Variants in LRBA observed in about 807,000 individuals in gnomAD.
The protein encoded by LRBA is lipopolysaccharide-responsive and beige-like anchor protein.
A neutral mutation model predicts 330.0 loss-of-function variants in LRBA; 176 were observed. The ratio of observed to expected loss-of-function variants is 0.53; its 90% CI spans 0.47 to 0.60. The LOEUF is 0.60. Among genes scored for constraint, LRBA ranks in the 20% least tolerant of loss-of-function variants. The pLI, the probability that LRBA is intolerant of heterozygous loss-of-function variation, is 0.00. For missense variants in LRBA, 3,259 were observed against 3,444.8 expected (o/e 0.95, Z 1.35); for synonymous variants, 1,230 against 1,193.0 (o/e 1.03, Z -0.64).
chr4:150,687,361 A>C (rs1435043192), intron 36 of LRBA, among the ~76,000 whole-genome samples: 2 of 152,074 alleles, frequency 1.3e-5, no homozygotes, highest in Non-Finnish European at 2.9e-5. Context: ...GGTACAAGAG[A>C]CCTTAACAAA....
At chr4:151,008,992 T>A (rs375339669) in intron 2 of LRBA, among the ~76,000 whole-genome samples, 11,616 of 18,126 alleles carry the variant, frequency 0.64, 3,148 homozygotes, top group Non-Finnish European at 0.71. Context: ...AAAAAAAATA[T>A]ATATATATAT....
At chr4:150,812,310 C>T (rs904852285) in intron 31 of LRBA, among the ~76,000 whole-genome samples, 2 of 152,322 alleles carry the variant, frequency 1.3e-5, no homozygotes, top group South Asian at 4.1e-4. Context: ...CACTGATAAA[C>T]TGGCTCCTTC....
intron 47 of LRBA, among the ~76,000 whole-genome samples, chr4:150,353,097 G>C (rs745585949): frequency 7.2e-5 from 11 of 152,166 alleles, no homozygotes; most frequent in Non-Finnish European, 1.6e-4. Context: ...TTTGGTGGCT[G>C]TTCGAAATCT....
intron 2 of LRBA, among the ~76,000 whole-genome samples, chr4:150,993,860 T>C (rs1742360578): frequency 6.6e-6 from 1 of 151,890 alleles, no homozygotes; most frequent in African/African-American, 2.4e-5. Context: ...AAGATGAGAT[T>C]TGGGTGGGGA....
rs1385789175 is a variant in LRBA at position 151,011,588 on chromosome 4, ACT to A, written c.216+2837_216+2838del. On this transcript the variant is annotated intron_variant, in intron 2 of 56. Coordinates refer to ENST00000651943, the MANE Select transcript of LRBA (RefSeq NM_001364905.1). ...ACTCCAGCCTGGGCAACAGACTGAG[ACT>A]CTATCTCAAAAAAAAAAAAAAAAAA... 7.2e-5 allele frequency among the ~76,000 whole-genome samples: 10 copies of A among 139,382 alleles called. No individual in the cohort carries two copies. The Admixed American group carries it at 7.7e-4, about 11-fold the overall frequency. The allele number at this position is 139,382 out of a possible 152,430, so 91.4% of individuals were successfully genotyped here. A position where few individuals can be genotyped will look rare whatever the true frequency, so the allele number is the denominator to read the frequency against.
chr4:150,308,406 T>C (rs1297000292), intron 52 of LRBA, among the ~76,000 whole-genome samples: 2 of 152,252 alleles, frequency 1.3e-5, no homozygotes, highest in African/African-American at 4.8e-5. Flanking sequence ...TGTATAAAGA[T>C]ACAGCACATA....
chr4:150,719,073 GATTCATGAAAT>G (rs1398135857), intron 36 of LRBA, among the ~76,000 whole-genome samples: 2 of 152,014 alleles, frequency 1.3e-5, no homozygotes, highest in African/African-American at 4.8e-5. Context: ...ATAGCATAAG[GATTCATGAAAT>G]ATTAGCTACT....
intron 35 of LRBA, among the ~76,000 whole-genome samples, chr4:150,760,499 A>G (rs890486569): frequency 2.6e-5 from 4 of 151,362 alleles, no homozygotes; most frequent in African/African-American, 9.7e-5. Flanking sequence ...AAAATCTTCC[A>G]AGGCTTCCCA....
At chr4:150,579,638 T>C in intron 40 of LRBA, 3 of 456,640 alleles carry the variant, frequency 6.6e-6, no homozygotes, top group South Asian at 3.1e-5. Context: ...CGAGAAAACT[T>C]AGCCGAGCTT....
chr4:150,272,021 A>G (rs993653135), intron 56 of LRBA, among the ~76,000 whole-genome samples: 4 of 152,206 alleles, frequency 2.6e-5, no homozygotes, highest in African/African-American at 9.7e-5. Context: ...TAATGGTCAA[A>G]CTGCCTCCTC....
intron 40 of LRBA, among the ~76,000 whole-genome samples, chr4:150,542,977 CAAAT>C (rs966475739): frequency 3.3e-5 from 5 of 152,020 alleles, no homozygotes; most frequent in African/African-American, 1.2e-4. Flanking sequence ...TACAAAAATG[CAAAT>C]AAATTGCCAT....
rs546818064 is a variant in LRBA at position 150,315,267 on chromosome 4, T to C, written c.7693+294A>G. 95 of 456,362 alleles carry C rather than the reference T, an allele frequency of 2.1e-4. No homozygotes were observed. The Admixed American group carries it at 2.1e-3, about 10-fold the overall frequency. 28.3% of individuals were successfully genotyped at this position (456,362 alleles called of 1,614,324 possible). A position where few individuals can be genotyped will look rare whatever the true frequency, so the allele number is the denominator to read the frequency against. On this transcript the variant is annotated intron_variant, in intron 51 of 56. Coordinates refer to ENST00000651943, the MANE Select transcript of LRBA (RefSeq NM_001364905.1). ...TCAACAAGTCTGAGTGATGAAAAGATCCAATATTATCCTGACAGTACTTCA... is the reference window on the plus strand; with the variant it reads ...TCAACAAGTCTGAGTGATGAAAAGACCCAATATTATCCTGACAGTACTTCA...
intron 40 of LRBA, among the ~76,000 whole-genome samples, chr4:150,548,937 C>T (rs1766211118): frequency 6.6e-6 from 1 of 152,108 alleles, no homozygotes; most frequent in Admixed American, 6.5e-5. Context: ...CTTTTCATTA[C>T]TATATTATAA....
intron 36 of LRBA, among the ~76,000 whole-genome samples, chr4:150,705,935 T>A (rs1040324389): frequency 5.9e-5 from 9 of 151,906 alleles, no homozygotes; most frequent in African/African-American, 2.2e-4. Context: ...AGAAGTCAAT[T>A]CAATTAGACA....
chr4:150,777,094 T>TTGTTGC (rs1233272889), intron 34 of LRBA, among the ~76,000 whole-genome samples: 3 of 150,540 alleles, frequency 2.0e-5, no homozygotes, highest in Non-Finnish European at 2.9e-5. Flanking sequence ...GTTGTTGTTG[T>TTGTTGC]TGTTGTTGTT....
In LRBA at chr4:150,559,374, A is replaced by G. The variant is rs184525702; in HGVS notation, c.6330+28674T>C. 1.7e-3 allele frequency among the ~76,000 whole-genome samples: 264 copies of G among 151,294 alleles called. 6 individuals are homozygous for G. In the East Asian group the frequency reaches 0.042, roughly 24 times the overall value. On this transcript the variant is annotated intron_variant, in intron 40 of 56. Coordinates refer to ENST00000651943, the MANE Select transcript of LRBA (RefSeq NM_001364905.1). ...TCAAGAGATTGAGACCATCCTGGCCAACATGGTGAAACCCCGTCTCTACTA... is the reference window on the plus strand; with the variant it reads ...TCAAGAGATTGAGACCATCCTGGCCGACATGGTGAAACCCCGTCTCTACTA...
intron 40 of LRBA, among the ~76,000 whole-genome samples, chr4:150,509,821 T>C (rs1761625783): frequency 6.6e-6 from 1 of 152,202 alleles, no homozygotes; most frequent in African/African-American, 2.4e-5. Flanking sequence ...ACTACTTTGA[T>C]GCGATGAACA....
chr4:150,662,460 C>A (rs1229765921), intron 37 of LRBA, among the ~76,000 whole-genome samples: 1 of 152,170 alleles, frequency 6.6e-6, no homozygotes, highest in African/African-American at 2.4e-5. Context: ...GGCTGTGCCT[C>A]AAACCAATTA....
intron 48 of LRBA, among the ~76,000 whole-genome samples, chr4:150,346,757 C>CCAAAAAAAAAAAAAAAAAAAAAAAAAAAA (rs1206950764): frequency 6.0e-5 from 4 of 66,152 alleles, no homozygotes; most frequent in African/African-American, 2.3e-4. Flanking sequence ...GACTCTGTCT[C>CCAAAAAAAAAAAAAAAAAAAAAAAAAAAA]AAAAAAAAAA....
Sources: gnomAD v4.1 joint callset for allele counts (sites outside exome capture counted in the v4.1 genomes callset) on GRCh38, gnomAD v4.1.1 for gene constraint, MANE v1.5 for transcripts, NCBI Gene and HGNC (gene_info 2026-07-23, HGNC 2026-07-21) for gene names.